The following EYS variants were observed in gnomAD, a reference collection of about 807,000 sequenced individuals.
EYS encodes EGF-like photoreceptor maintenance factor.
EYS carries 250 observed loss-of-function variants against 282.1 expected under a neutral mutation model. The observed-to-expected ratio is 0.89, with a 90% confidence interval of 0.80 to 0.98. The LOEUF (loss-of-function observed/expected upper bound fraction) is 0.98. EYS is among the 50% of genes least tolerant of loss of function. EYS has a pLI of 0.00. For synonymous variants in EYS, 1,355 were observed against 1,282.9 expected, an observed-to-expected ratio of 1.06 and a Z score of -1.20; for missense variants, 4,016 against 3,709.0, an observed-to-expected ratio of 1.08 and a Z score of -2.15.
chr6:64,576,459 A>T (rs946494958), intron 26 of EYS, among the ~76,000 whole-genome samples: 1 of 152,098 alleles, frequency 6.6e-6, no homozygotes, highest in Non-Finnish European at 1.5e-5. Context: ...TTAAAATTTT[A>T]AAAATAACAT....
chr6:64,710,381 G>A (rs927038725), intron 22 of EYS, among the ~76,000 whole-genome samples: 1 of 152,162 alleles, frequency 6.6e-6, no homozygotes, highest in African/African-American at 2.4e-5. Context: ...CCAAGCATGG[G>A]CCATCCCTTC....
intron 28 of EYS, among the ~76,000 whole-genome samples, chr6:64,393,416 C>T (rs1461888888): frequency 6.6e-6 from 1 of 152,166 alleles, no homozygotes; most frequent in Non-Finnish European, 1.5e-5. Flanking sequence ...AGCAACACAT[C>T]AAAAAGCTTA....
chr6:64,193,201 G>A (rs754949112), intron 31 of EYS, among the ~76,000 whole-genome samples: 22 of 152,164 alleles, frequency 1.4e-4, no homozygotes, highest in Admixed American at 2.6e-4. Flanking sequence ...TGAAGCTATA[G>A]ATAAATTGGG....
chr6:65,503,890 G>A (rs568552500), intron 2 of EYS, among the ~76,000 whole-genome samples: 1 of 151,632 alleles, frequency 6.6e-6, no homozygotes, highest in African/African-American at 2.4e-5. Flanking sequence ...ATAAGGCAGA[G>A]TGTATTCTCC....
chr6:63,840,274 C>G (rs1388935891), intron 36 of EYS, among the ~76,000 whole-genome samples: 1 of 150,896 alleles, frequency 6.6e-6, no homozygotes, highest in Non-Finnish European at 1.5e-5. Flanking sequence ...CTGTGTTAGC[C>G]AGGATGGTCT....
chr6:64,058,548 C>T (rs1771061657), intron 33 of EYS, among the ~76,000 whole-genome samples: 3 of 152,160 alleles, frequency 2.0e-5, no homozygotes, highest in South Asian at 4.1e-4. Context: ...TAAATCACCA[C>T]TTCATCACTT....
At chr6:64,618,302 C>A (rs1277671733) in intron 23 of EYS, among the ~76,000 whole-genome samples, 2 of 152,106 alleles carry the variant, frequency 1.3e-5, no homozygotes, top group East Asian at 1.9e-4. Flanking sequence ...TTGATTCTTT[C>A]CCATCAGATA....
intron 31 of EYS, among the ~76,000 whole-genome samples, chr6:64,212,024 G>A (rs1030769630): frequency 5.9e-5 from 9 of 151,998 alleles, no homozygotes; most frequent in Non-Finnish European, 1.2e-4. Flanking sequence ...GCTGAGGCAG[G>A]AGAACCGCTT....
At chr6:63,827,933 G>C (rs1369959899) in intron 36 of EYS, among the ~76,000 whole-genome samples, 2 of 150,936 alleles carry the variant, frequency 1.3e-5, no homozygotes, top group African/African-American at 4.9e-5. Flanking sequence ...AACTCCAAAA[G>C]GAACCTTCAA....
At chr6:64,029,777 G>C (rs1769730338) in intron 33 of EYS, among the ~76,000 whole-genome samples, 1 of 152,246 alleles carries the variant, frequency 6.6e-6, no homozygotes, top group African/African-American at 2.4e-5. Context: ...CCAGTGCCCA[G>C]TTAGCAGAAC....
At chr6:64,912,393 A>G in intron 16 of EYS, 91 bp downstream of exon 16, 1 of 1,196,112 alleles carries the variant, frequency 8.4e-7, no homozygotes, top group South Asian at 1.4e-5. Context: ...TTTCCAACCC[A>G]TTTTAGGAGG....
chr6:64,311,287 C>A (rs1431512958), intron 29 of EYS, among the ~76,000 whole-genome samples: 1 of 151,890 alleles, frequency 6.6e-6, no homozygotes, highest in Non-Finnish European at 1.5e-5. Context: ...CAAAGATACA[C>A]AATTCATATG....
At chr6:65,113,706 C>G (rs1310967268) in intron 12 of EYS, among the ~76,000 whole-genome samples, 1 of 143,224 alleles carries the variant, frequency 7.0e-6, no homozygotes, top group Non-Finnish European at 1.5e-5. Flanking sequence ...CATCTTTTAG[C>G]TGTGTAGGGA....
rs560947534 is a variant in EYS at position 65,587,110 on chromosome 6, T to C, written c.-333+52668A>G. Among the ~76,000 whole-genome samples the C allele has an allele frequency of 7.9e-5, 12 of 152,196 alleles. No individual in the cohort carries two copies. The South Asian group carries it at 2.3e-3, about 29-fold the overall frequency. ...TGAGAAGATGTTTCTCTAAGCAACA[T>C]TTGATAAGACTAATCATGAAACTAA... is the stretch of plus-strand genomic sequence containing the variant. On this transcript the variant is annotated intron_variant, in intron 2 of 42. Transcript: ENST00000503581.
intron 26 of EYS, among the ~76,000 whole-genome samples, chr6:64,501,028 GT>G (rs35021721): frequency 0.23 from 29,876 of 129,736 alleles, 3,107 homozygotes; most frequent in East Asian, 0.45. Context: ...TTTTGGGAGA[GT>G]TTTTTTTTTT....
intron 26 of EYS, among the ~76,000 whole-genome samples, chr6:64,539,258 A>G (rs1357026030): frequency 1.3e-5 from 2 of 152,198 alleles, no homozygotes; most frequent in African/African-American, 4.8e-5. Flanking sequence ...TATGTATTTT[A>G]CCACAGGTTT....
intron 33 of EYS, among the ~76,000 whole-genome samples, chr6:64,048,772 A>G (rs532638549): frequency 6.6e-6 from 1 of 152,060 alleles, no homozygotes; most frequent in South Asian, 2.1e-4. Flanking sequence ...TTGATACTAA[A>G]TATTATCAAC....
chr6:64,157,283 C>T (rs1368054190), intron 31 of EYS, among the ~76,000 whole-genome samples: 2 of 151,986 alleles, frequency 1.3e-5, no homozygotes, highest in Non-Finnish European at 2.9e-5. Flanking sequence ...TTTCTTAATC[C>T]AGTCTATCAT....
intron 2 of EYS, among the ~76,000 whole-genome samples, chr6:65,566,004 G>A (rs2127348639): frequency 6.6e-6 from 1 of 151,976 alleles, no homozygotes; most frequent in African/African-American, 2.4e-5. Context: ...TGTAGATGAT[G>A]GGTTGATGGG....
Sources: allele counts gnomAD v4.1 joint callset (sites outside exome capture counted in the v4.1 genomes callset), GRCh38; gene constraint gnomAD v4.1.1; transcripts MANE v1.5; gene names NCBI Gene and HGNC (gene_info 2026-07-23, HGNC 2026-07-21).